The following L3MBTL1 variants were observed in gnomAD, a reference collection of about 807,000 sequenced individuals.
L3MBTL1 encodes lethal(3)malignant brain tumor-like protein 1.
In L3MBTL1, 75 loss-of-function variants were observed where a neutral mutation model predicts 105.3. That is an observed-to-expected ratio of 0.71 (90% CI 0.59 to 0.86). The LOEUF (loss-of-function observed/expected upper bound fraction) is 0.86. L3MBTL1 is among the 40% of genes least tolerant of loss of function. The pLI is 0.00. For missense variants in L3MBTL1, 1,069 were observed against 1,126.4 expected (o/e 0.95, Z 0.73); for synonymous variants, 452 against 436.2 (o/e 1.04, Z -0.45).
At chr20:43,538,435 T>G (rs552154227) in intron 19 of L3MBTL1, among the ~76,000 whole-genome samples, 2 of 152,302 alleles carry the variant, frequency 1.3e-5, no homozygotes, top group African/African-American at 4.8e-5. Flanking sequence ...AGGTCTCACT[T>G]CCACAGGGCA....
chr20:43,509,704 C>G (rs1027403620), intron 1 of L3MBTL1, among the ~76,000 whole-genome samples: 1 of 152,224 alleles, frequency 6.6e-6, no homozygotes, highest in Non-Finnish European at 1.5e-5. Context: ...CCCATGCTTG[C>G]TGGAAAAGAG....
intron 7 of L3MBTL1, among the ~76,000 whole-genome samples, chr20:43,526,225 A>G (rs1488714210): frequency 6.6e-6 from 1 of 152,176 alleles, no homozygotes; most frequent in African/African-American, 2.4e-5. Context: ...ACGGTTTGGG[A>G]AGAGTGAGGC....
intron 7 of L3MBTL1, among the ~76,000 whole-genome samples, chr20:43,524,410 G>C (rs1369155810): frequency 1.3e-5 from 2 of 152,080 alleles, no homozygotes; most frequent in Admixed American, 6.5e-5. Flanking sequence ...TAAGAGTTCA[G>C]AGTAAGCAAA....
At position 43,533,354 on chromosome 20, in the gene L3MBTL1, C is replaced by T. The variant is rs1226746813; in HGVS notation, c.1449C>T (p.Ser483=). 1.9e-6 allele frequency: 3 copies of T among 1,613,862 alleles called. No individual in the cohort carries two copies. The highest frequency in any genetic ancestry group is 2.5e-6 in the Non-Finnish European group (3 of 1,179,878). The change falls in exon 13 of 22, where the codon AGC becomes AGT. Residue 483 remains serine, a synonymous_variant. Coordinates refer to ENST00000418998, the MANE Select transcript of L3MBTL1 (RefSeq NM_001377303.1). ...TCTTGGATTTCAGGTGTGATCCCAG[C>T]AGCCCCTACATCCACCCAGTGGGCT... The part of the protein sequence containing the change: ...DDTYDYWCDP[S]SPYIHPVGWC...
intron 1 of L3MBTL1, among the ~76,000 whole-genome samples, chr20:43,511,334 C>T (rs985920022): frequency 1.3e-5 from 2 of 152,112 alleles, no homozygotes; most frequent in African/African-American, 2.4e-5. Flanking sequence ...ATAAGACAGA[C>T]GGTCAGCATT....
intron 9 of L3MBTL1, 44 bp from the exon 10 acceptor site, chr20:43,530,240 G>C: frequency 6.2e-7 from 1 of 1,612,322 alleles, no homozygotes; most frequent in Non-Finnish European, 8.5e-7. Flanking sequence ...GGGGAGTGGG[G>C]CATCTCCTGA....
intron 13 of L3MBTL1, 34 bp from the exon 14 acceptor site, chr20:43,533,974 G>A (rs1280665300): frequency 6.6e-7 from 1 of 1,504,842 alleles, no homozygotes. Flanking sequence ...AGTACACCTG[G>A]GTGGCTAGAC....
chr20:43,520,955 G>A (rs1366222806), intron 7 of L3MBTL1, among the ~76,000 whole-genome samples: 1 of 152,146 alleles, frequency 6.6e-6, no homozygotes, highest in Non-Finnish European at 1.5e-5. Context: ...TTCAAAAAGG[G>A]TCCATTTATA....
In L3MBTL1 at chr20:43,529,410, A is replaced by G. The variant is rs768650853; in HGVS notation, c.1056+42A>G. 9.5e-6 allele frequency: 13 copies of G among 1,364,160 alleles called. 1 individual carries two copies. In the South Asian group the frequency reaches 1.6e-4, roughly 17 times the overall value. The allele number at this position is 1,364,160 out of a possible 1,614,324, so 84.5% of individuals were successfully genotyped here. A position where few individuals can be genotyped will look rare whatever the true frequency, so the allele number is the denominator to read the frequency against. On this transcript the variant is annotated intron_variant, in intron 9 of 21. Coordinates refer to ENST00000418998, the MANE Select transcript of L3MBTL1 (RefSeq NM_001377303.1). ...TACCACCTTTCTGATGATGTCTCTC[A>G]GTGCAGATTGATGGATCTTGCTGGG... is the stretch of plus-strand genomic sequence containing the variant.
rs2019522788 is a variant in L3MBTL1 at position 43,534,835 on chromosome 20, T to C, written c.1718T>C (p.Phe573Ser). Residue 573 changes from phenylalanine to serine, a missense_variant, in exon 16 of 22, where the codon TTT becomes TCT. Coordinates refer to ENST00000418998, the MANE Select transcript of L3MBTL1 (RefSeq NM_001377303.1). ...DVEDHRIKIH[F>S]DGWSHGYDFW... ...AGAGCCTTTCCTCCCCAGATCCACTTTGATGGCTGGAGTCATGGCTATGAT... is the reference window on the plus strand; with the variant it reads ...AGAGCCTTTCCTCCCCAGATCCACTCTGATGGCTGGAGTCATGGCTATGAT... 6.2e-7 allele frequency: 1 copy of C among 1,609,836 alleles called. No homozygotes were observed. The highest frequency in any genetic ancestry group is 1.3e-5 in the African/African-American group (1 of 74,420).
intron 7 of L3MBTL1, among the ~76,000 whole-genome samples, chr20:43,517,801 G>T (rs2018478946): frequency 6.6e-6 from 1 of 152,120 alleles, no homozygotes; most frequent in African/African-American, 2.4e-5. Flanking sequence ...GATGGATCCA[G>T]TGCCAGCTGG....
intron 1 of L3MBTL1, among the ~76,000 whole-genome samples, chr20:43,511,156 G>A (rs376488203): frequency 2.6e-4 from 40 of 151,762 alleles, no homozygotes; most frequent in African/African-American, 9.0e-4. Context: ...GGGTTCAAGC[G>A]ATTCTCCTGC....
chr20:43,532,738 G>T (rs1464548531), intron 11 of L3MBTL1, 35 bp from the exon 12 acceptor site: 1 of 1,613,372 alleles, frequency 6.2e-7, no homozygotes. Context: ...TAGCCAGCTT[G>T]GCCCTGGCCG....
chr20:43,517,310 G>A (rs760382071), intron 7 of L3MBTL1, among the ~76,000 whole-genome samples: 9 of 152,308 alleles, frequency 5.9e-5, no homozygotes, highest in South Asian at 4.1e-4. Context: ...TGGCCAGGCT[G>A]GTCTCGAACT....
chr20:43,519,989 G>GT (rs917796585), intron 7 of L3MBTL1, among the ~76,000 whole-genome samples: 26 of 151,042 alleles, frequency 1.7e-4, no homozygotes, highest in South Asian at 6.3e-4. Flanking sequence ...ATTCAGTGGG[G>GT]TTTTTTTTTG....
chr20:43,515,874 G>T (rs773782779), intron 6 of L3MBTL1: 113 of 547,166 alleles, frequency 2.1e-4, no homozygotes, highest in Non-Finnish European at 3.5e-4. Context: ...TTGTAGTCAG[G>T]CTGTTTAATT....
At chr20:43,544,253 C>G (rs1978428170), downstream of L3MBTL1, among the ~76,000 whole-genome samples, 1 of 152,214 alleles carries the variant, frequency 6.6e-6, no homozygotes, top group African/African-American at 2.4e-5. Context: ...CCAATTAAAT[C>G]TTAGCTTGAC....
At chr20:43,514,484 G>A (rs2145375740) in intron 3 of L3MBTL1, 151 bp from the exon 4 acceptor site, 1 of 1,528,570 alleles carries the variant, frequency 6.5e-7, no homozygotes, top group Non-Finnish European at 8.8e-7. Flanking sequence ...TTTGGCTGGT[G>A]TAGCTTGGAG....
chr20:43,518,344 G>A (rs1056708838), intron 7 of L3MBTL1, among the ~76,000 whole-genome samples: 8 of 152,124 alleles, frequency 5.3e-5, no homozygotes, highest in Admixed American at 2.0e-4. Flanking sequence ...CTGTTTGGCA[G>A]TTTGATGGCC....
Sources: allele counts gnomAD v4.1 joint callset (sites outside exome capture counted in the v4.1 genomes callset), GRCh38; gene constraint gnomAD v4.1.1; transcripts MANE v1.5; gene names NCBI Gene and HGNC (gene_info 2026-07-23, HGNC 2026-07-21).